Variants in ZNF407 observed in about 807,000 individuals in gnomAD.
ZNF407 encodes zinc finger protein 407.
Under a neutral mutation model 131.2 loss-of-function variants are expected in ZNF407, and 17 were observed. The observed-to-expected ratio is 0.13, with a 90% CI of 0.09 to 0.19. The LOEUF (loss-of-function observed/expected upper bound fraction) is 0.19, where lower values mean the gene tolerates loss of function less well. ZNF407 is among the 10% of genes least tolerant of loss of function. The pLI, the probability that ZNF407 is intolerant of heterozygous loss-of-function variation, is 1.00. For synonymous variants in ZNF407, 1,156 were observed against 1,062.0 expected, an observed-to-expected ratio of 1.09 and a Z score of -1.72; for missense variants, 2,681 against 2,830.6, an observed-to-expected ratio of 0.95 and a Z score of 1.20.
At chr18:74,767,647 CT>C (rs1220332631) in intron 3 of ZNF407, among the ~76,000 whole-genome samples, 101 of 108,436 alleles carry the variant, frequency 9.3e-4, no homozygotes, top group African/African-American at 3.0e-3. Flanking sequence ...ATTCTGAATT[CT>C]CTTTTTTTTT....
chr18:75,056,473 C>T (rs1973563476), intron 8 of ZNF407, among the ~76,000 whole-genome samples: 1 of 152,228 alleles, frequency 6.6e-6, no homozygotes, highest in African/African-American at 2.4e-5. Flanking sequence ...GATTCATACT[C>T]TTTCTTTGAT....
intron 3 of ZNF407, among the ~76,000 whole-genome samples, chr18:74,695,213 A>G (rs1967322243): frequency 6.6e-6 from 1 of 152,088 alleles, no homozygotes; most frequent in South Asian, 2.1e-4. Flanking sequence ...GAAGATTTAG[A>G]AAAAAAATAA....
intron 3 of ZNF407, among the ~76,000 whole-genome samples, chr18:74,778,929 G>A (rs1969532362): frequency 6.6e-6 from 1 of 151,516 alleles, no homozygotes; most frequent in African/African-American, 2.4e-5. Flanking sequence ...TATTTCTGGT[G>A]ATATGTAGAT....
Position 74,610,434 on chromosome 18 carries a change from C to T in ZNF407, c.-54+12497C>T, listed in dbSNP as rs546348802. On this transcript the variant is annotated intron_variant, in intron 1 of 8. Coordinates refer to ENST00000299687, the MANE Select transcript of ZNF407 (RefSeq NM_017757.3). ...CGTGCATGCGTGCAAGCAGCTTACC[C>T]TCCAGATAGGTAATTACCCATTTAG... Among the ~76,000 whole-genome samples the T allele has an allele frequency of 2.6e-5, 4 of 152,298 alleles. No individual in the cohort carries two copies. The South Asian group carries it at 8.3e-4, about 32-fold the overall frequency.
At position 74,881,131 on chromosome 18, in the gene ZNF407, T is replaced by A. The variant is rs747874825; in HGVS notation, c.5128+12T>A. On this transcript the variant is annotated intron_variant, in intron 6 of 8. Coordinates refer to ENST00000299687, the MANE Select transcript of ZNF407 (RefSeq NM_017757.3). ...CAGACAGCACACAGGTCAGTTCCGA[T>A]GCTGCACTGGCCCCTTCTCTGCAGA... 1 of 1,561,852 alleles carries A rather than the reference T, an allele frequency of 6.4e-7. No homozygotes were observed. The highest frequency in any genetic ancestry group is 8.7e-7 in the Non-Finnish European group (1 of 1,154,572).
At chr18:75,058,303 T>G (rs770941160) in intron 8 of ZNF407, among the ~76,000 whole-genome samples, 1 of 152,162 alleles carries the variant, frequency 6.6e-6, no homozygotes, top group Non-Finnish European at 1.5e-5. Context: ...GTAACTACCT[T>G]TTTATTCCAT....
At chr18:74,908,939 A>G (rs749652773) in intron 7 of ZNF407, among the ~76,000 whole-genome samples, 5 of 152,076 alleles carry the variant, frequency 3.3e-5, no homozygotes, top group African/African-American at 1.2e-4. Context: ...AAATAAATGT[A>G]ATTAACTTCT....
chr18:75,012,031 C>A (rs1972979910), intron 8 of ZNF407, among the ~76,000 whole-genome samples: 1 of 151,960 alleles, frequency 6.6e-6, no homozygotes, highest in African/African-American at 2.4e-5. Flanking sequence ...TTTAAACCTG[C>A]AAAAACAAGT....
intron 3 of ZNF407, among the ~76,000 whole-genome samples, chr18:74,705,842 A>G (rs950350657): frequency 2.0e-5 from 3 of 152,242 alleles, no homozygotes; most frequent in African/African-American, 7.2e-5. Context: ...AACTATGCAT[A>G]TAAAATACGA....
chr18:75,008,747 C>T (rs1311331700), intron 8 of ZNF407, among the ~76,000 whole-genome samples: 4 of 152,140 alleles, frequency 2.6e-5, no homozygotes, highest in Non-Finnish European at 5.9e-5. Flanking sequence ...GGAACATTTC[C>T]ACTACCTTCT....
At chr18:74,951,728 T>G (rs1972216527) in intron 8 of ZNF407, among the ~76,000 whole-genome samples, 1 of 152,228 alleles carries the variant, frequency 6.6e-6, no homozygotes, top group Non-Finnish European at 1.5e-5. Context: ...TTTGATTCAT[T>G]TTCATAGTCT....
intron 4 of ZNF407, among the ~76,000 whole-genome samples, chr18:74,819,806 C>T (rs1469773564): frequency 4.6e-5 from 7 of 152,196 alleles, no homozygotes; most frequent in Admixed American, 4.6e-4. Flanking sequence ...CTCTTACTCT[C>T]CTGAATTATT....
intron 3 of ZNF407, among the ~76,000 whole-genome samples, chr18:74,779,109 A>ATATATT (rs397943457): frequency 1.2e-4 from 3 of 24,376 alleles, no homozygotes; most frequent in African/African-American, 4.2e-4. Flanking sequence ...ATATATATAT[A>ATATATT]TTTTTTTTTT....
At chr18:74,766,209 C>T (rs757313892) in intron 3 of ZNF407, among the ~76,000 whole-genome samples, 2 of 152,156 alleles carry the variant, frequency 1.3e-5, no homozygotes, top group African/African-American at 2.4e-5. Flanking sequence ...ACCCACAGGG[C>T]AGGCAGTTGA....
intron 8 of ZNF407, among the ~76,000 whole-genome samples, chr18:74,990,189 A>T (rs965213098): frequency 6.6e-6 from 1 of 152,204 alleles, no homozygotes; most frequent in African/African-American, 2.4e-5. Flanking sequence ...GGGTAATAGA[A>T]TATTAAGCAT....
chr18:74,853,694 G>T (rs907179484), intron 4 of ZNF407, among the ~76,000 whole-genome samples: 1 of 152,044 alleles, frequency 6.6e-6, no homozygotes, highest in African/African-American at 2.4e-5. Context: ...TATCTTTGTT[G>T]CTTTACTTGT....
intron 4 of ZNF407, among the ~76,000 whole-genome samples, chr18:74,813,401 G>T (rs761263372): frequency 6.6e-6 from 1 of 152,094 alleles, no homozygotes; most frequent in Non-Finnish European, 1.5e-5. Flanking sequence ...AGGTCCATTC[G>T]CTCAAACGGG....
intron 4 of ZNF407, among the ~76,000 whole-genome samples, chr18:74,842,348 T>G (rs1429413664): frequency 6.6e-6 from 1 of 152,194 alleles, no homozygotes; most frequent in African/African-American, 2.4e-5. Flanking sequence ...TTAAGTGCAC[T>G]TCTCATATTT....
At chr18:74,660,407 G>A (rs1478692745) in intron 3 of ZNF407, among the ~76,000 whole-genome samples, 2 of 152,014 alleles carry the variant, frequency 1.3e-5, no homozygotes, top group Non-Finnish European at 2.9e-5. Flanking sequence ...GATCAGAAAA[G>A]GACAGATTTA....
Sources: allele counts gnomAD v4.1 joint callset (sites outside exome capture counted in the v4.1 genomes callset), GRCh38; gene constraint gnomAD v4.1.1; transcripts MANE v1.5; gene names NCBI Gene and HGNC (gene_info 2026-07-23, HGNC 2026-07-21).